Variants in LDB2 observed in about 807,000 individuals in gnomAD.
LDB2 encodes LIM domain-binding protein 2.
LDB2 carries 12 observed loss-of-function variants against 44.3 expected under a neutral mutation model. That is an observed-to-expected ratio of 0.27 (90% CI 0.17 to 0.44). The LOEUF is 0.44. Ranked by LOEUF, LDB2 falls within the 20% of genes least tolerant of loss-of-function variation. The probability of loss-of-function intolerance (pLI) is 1.00; values close to 1 mark genes in which losing one functional copy is unlikely to be tolerated. For missense variants in LDB2, 344 were observed against 473.5 expected, an observed-to-expected ratio of 0.73 and a Z score of 2.54; for synonymous variants, 164 against 174.8, an observed-to-expected ratio of 0.94 and a Z score of 0.49.
intron 5 of LDB2, among the ~76,000 whole-genome samples, chr4:16,579,018 TG>T (rs1293862583): frequency 6.6e-6 from 1 of 151,682 alleles, no homozygotes; most frequent in Non-Finnish European, 1.5e-5. Context: ...AGATAGAGAG[TG>T]GGGATGGTCA....
intron 5 of LDB2, among the ~76,000 whole-genome samples, chr4:16,579,119 C>A (rs1272340782): frequency 6.6e-6 from 1 of 151,984 alleles, no homozygotes; most frequent in Non-Finnish European, 1.5e-5. Flanking sequence ...AAATCTAGCA[C>A]AACAGGGTGA....
chr4:16,701,302 C>T (rs180921822), intron 2 of LDB2, among the ~76,000 whole-genome samples: 59 of 152,194 alleles, frequency 3.9e-4, no homozygotes. Context: ...TACTGACCAA[C>T]CTCAACACCC....
intron 1 of LDB2, among the ~76,000 whole-genome samples, chr4:16,821,768 A>AAAAAAAAAC (rs1782113007): frequency 6.7e-6 from 1 of 150,204 alleles, no homozygotes; most frequent in East Asian, 1.9e-4. Context: ...AAAAAAAAAA[A>AAAAAAAAAC]AATCAGGAAT....
In LDB2 at chr4:16,886,388, TACTC is replaced by T. The variant is rs576250226; in HGVS notation, c.132+11962_132+11965del. ...AAGAAGATTTAAGGACACGGTAAAATACTCATAATTTTACTTAAAAGAGCTGGAT... is the reference window on the plus strand; with the variant it reads ...AAGAAGATTTAAGGACACGGTAAAATATAATTTTACTTAAAAGAGCTGGAT... On this transcript the variant is annotated intron_variant, in intron 1 of 7. Transcript: ENST00000304523. Among the ~76,000 whole-genome samples the T allele has an allele frequency of 1.1e-3, 173 of 152,318 alleles. 1 individual carries two copies. Among genetic ancestry groups the T allele is most frequent in the African/African-American group, 4.0e-3 (168 of 41,566 alleles).
At chr4:16,897,895 AATATATATATATATATATATATAT>A (rs1174965862) in intron 1 of LDB2, among the ~76,000 whole-genome samples, 18 of 78,176 alleles carry the variant, frequency 2.3e-4, no homozygotes, top group South Asian at 5.6e-4. Context: ...TAAAAAAGAA[AATATATATATATATATATATATAT>A]ATATATATAT....
At chr4:16,671,645 C>G (rs1364730759) in intron 2 of LDB2, among the ~76,000 whole-genome samples, 2 of 152,144 alleles carry the variant, frequency 1.3e-5, no homozygotes, top group African/African-American at 2.4e-5. Context: ...ACACAGAACT[C>G]AGACCATTCG....
intron 2 of LDB2, among the ~76,000 whole-genome samples, chr4:16,723,685 A>T (rs747101559): frequency 6.6e-6 from 1 of 151,984 alleles, no homozygotes; most frequent in Non-Finnish European, 1.5e-5. Context: ...GACCTTCTGG[A>T]TGTTTCTTGT....
At chr4:16,874,648 C>T (rs1397267902) in intron 1 of LDB2, among the ~76,000 whole-genome samples, 2 of 152,202 alleles carry the variant, frequency 1.3e-5, no homozygotes, top group African/African-American at 2.4e-5. Flanking sequence ...GCAAGCTCTA[C>T]CTAATGCAAA....
intron 1 of LDB2, among the ~76,000 whole-genome samples, chr4:16,799,672 G>C (rs1000809849): frequency 6.6e-6 from 1 of 152,052 alleles, no homozygotes; most frequent in African/African-American, 2.4e-5. Flanking sequence ...GCAGTCTCAG[G>C]GTTCCTGAGT....
intron 7 of LDB2, among the ~76,000 whole-genome samples, chr4:16,503,423 AC>A (rs1367993603): frequency 6.6e-6 from 1 of 152,128 alleles, no homozygotes; most frequent in Non-Finnish European, 1.5e-5. Flanking sequence ...TCTTTTCTCT[AC>A]TCAGCCAGGC....
At chr4:16,875,455 G>T (rs749533030) in intron 1 of LDB2, among the ~76,000 whole-genome samples, 1 of 152,006 alleles carries the variant, frequency 6.6e-6, no homozygotes, top group African/African-American at 2.4e-5. Flanking sequence ...GAACATTAAA[G>T]CTCATGGAGA....
At chr4:16,509,520 A>C (rs1272039353) in intron 6 of LDB2, among the ~76,000 whole-genome samples, 1 of 152,158 alleles carries the variant, frequency 6.6e-6, no homozygotes, top group African/African-American at 2.4e-5. Flanking sequence ...AATATTCTTT[A>C]TTTATTTGTT....
chr4:16,688,011 T>C (rs1399652514), intron 2 of LDB2, among the ~76,000 whole-genome samples: 2 of 152,208 alleles, frequency 1.3e-5, no homozygotes, highest in Non-Finnish European at 2.9e-5. Context: ...ATTTTTTACA[T>C]TGAACGTTAG....
chr4:16,503,215 T>A (rs1328157107), intron 7 of LDB2: 1 of 1,378,444 alleles, frequency 7.3e-7, no homozygotes. Flanking sequence ...TTGAGAGGGC[T>A]GTGGAACCTT....
intron 2 of LDB2, among the ~76,000 whole-genome samples, chr4:16,743,467 C>T (rs139603325): frequency 6.2e-4 from 95 of 152,186 alleles, no homozygotes; most frequent in African/African-American, 2.0e-3. Context: ...GATATTATCC[C>T]ATGACTCATT....
intron 5 of LDB2, among the ~76,000 whole-genome samples, chr4:16,570,733 T>C (rs1254877378): frequency 6.6e-6 from 1 of 151,594 alleles, no homozygotes; most frequent in Non-Finnish European, 1.5e-5. Context: ...GAGCCAGTCA[T>C]AAAAAAAATT....
chr4:16,810,745 G>A lies in LDB2; in HGVS notation c.133-51485C>T, dbSNP rs1472170138. Among the ~76,000 whole-genome samples the A allele has an allele frequency of 4.7e-5, 7 of 148,018 alleles. No individual in the cohort carries two copies. In the East Asian group the frequency reaches 7.9e-4, roughly 17 times the overall value. On this transcript the variant is annotated intron_variant, in intron 1 of 7. Coordinates refer to ENST00000304523, the MANE Select transcript of LDB2 (RefSeq NM_001290.5). ...GAAAAAGGTTTTCAGGGGGGTTCAC[G>A]GAAGATCCAGGGGGTCTATGAACAC...
At chr4:16,650,053 T>C (rs1737840133) in intron 2 of LDB2, among the ~76,000 whole-genome samples, 1 of 152,172 alleles carries the variant, frequency 6.6e-6, no homozygotes, top group South Asian at 2.1e-4. Context: ...GAGAAAACAT[T>C]CTCCTTTTGA....
intron 2 of LDB2, among the ~76,000 whole-genome samples, chr4:16,641,633 G>A (rs1735191694): frequency 6.6e-6 from 1 of 152,142 alleles, no homozygotes; most frequent in South Asian, 2.1e-4. Flanking sequence ...CTCAGAGTAA[G>A]AAGTCGCTCA....
Sources: gnomAD v4.1 joint callset for allele counts (sites outside exome capture counted in the v4.1 genomes callset) on GRCh38, gnomAD v4.1.1 for gene constraint, MANE v1.5 for transcripts, NCBI Gene and HGNC (gene_info 2026-07-23, HGNC 2026-07-21) for gene names.